Variants in ENTPD4 observed in about 807,000 individuals in gnomAD.
ENTPD4 encodes Golgi UDPase.
ENTPD4 carries 60 observed loss-of-function variants against 79.1 expected under a neutral mutation model. The observed-to-expected ratio is 0.76, with a 90% CI of 0.62 to 0.94. ENTPD4 has a LOEUF of 0.94. ENTPD4 is among the 40% of genes least tolerant of loss of function. The pLI, the probability that ENTPD4 is intolerant of heterozygous loss-of-function variation, is 0.00. For missense variants in ENTPD4, 772 were observed against 775.1 expected, an observed-to-expected ratio of 1.00 and a Z score of 0.05; for synonymous variants, 276 against 292.0, an observed-to-expected ratio of 0.95 and a Z score of 0.56.
rs889837752 is a variant in ENTPD4 at position 23,449,002 on chromosome 8, G to A, written c.9-63C>T. On this transcript the variant is annotated intron_variant, in intron 2 of 12. Transcript: ENST00000358689. ...TCCAATGAGGCTTCCTTCACCTAAA[G>A]TGATCCTAAAATAAGATATTTGGCT... 3.0e-6 allele frequency: 4 copies of A among 1,342,168 alleles called. No homozygotes were observed. The African/African-American group carries it at 5.8e-5, about 20-fold the overall frequency. The allele number at this position is 1,342,168 out of a possible 1,614,324, so 83.1% of individuals were successfully genotyped here. A position where few individuals can be genotyped will look rare whatever the true frequency, so the allele number is the denominator to read the frequency against.
chr8:23,436,677 A>C (rs1213695179), intron 10 of ENTPD4, among the ~76,000 whole-genome samples: 2 of 152,192 alleles, frequency 1.3e-5, no homozygotes, highest in Non-Finnish European at 2.9e-5. Context: ...AAAATGACAT[A>C]AAAGACTGTA....
Position 23,433,123 on chromosome 8 carries a change from G to A in ENTPD4, c.1654C>T (p.His552Tyr). 1 of 1,614,190 alleles carries A rather than the reference G, an allele frequency of 6.2e-7. No individual in the cohort carries two copies. Among genetic ancestry groups the A allele is most frequent in the Non-Finnish European group, 8.5e-7 (1 of 1,180,024 alleles). Residue 552 changes from histidine (H) to tyrosine (Y), a missense_variant, in exon 13 of 13, where the codon CAC (histidine) becomes TAC (tyrosine). Coordinates refer to ENST00000358689, the MANE Select transcript of ENTPD4 (RefSeq NM_004901.5). ...DIQQEAFRAS[H>Y]THWRGVSFVY... ...AAGGAAACGCCCCGCCAGTGGGTGT[G>A]ACTGGCTCGGAAGGCCTCCTGCTGG...
At position 23,429,633 on chromosome 8, in the gene ENTPD4, T is replaced by C; in HGVS notation, c.*3293A>G. 5 of 985,400 alleles carry C rather than the reference T, an allele frequency of 5.1e-6. No individual in the cohort carries two copies. The highest frequency in any genetic ancestry group is 6.0e-6 in the Non-Finnish European group (5 of 829,910). 61.0% of individuals were successfully genotyped at this position (985,400 alleles called of 1,614,324 possible). A position where few individuals can be genotyped will look rare whatever the true frequency, so the allele number is the denominator to read the frequency against. The stretch of plus-strand genomic sequence containing the variant: ...ACTCTGTGTAGGCCTGAGTTTAAAA[T>C]GTAAATATCTGTTTATCCAGAGTTT... On this transcript the variant is annotated 3_prime_UTR_variant, in exon 13 of 13. Transcript: ENST00000358689.
intron 4 of ENTPD4, 150 bp downstream of exon 4, chr8:23,447,530 A>C (rs1327834049): frequency 2.9e-6 from 2 of 685,264 alleles, no homozygotes; most frequent in Non-Finnish European, 5.2e-6. Flanking sequence ...TGGACAGAAA[A>C]GGGAAAAGAA....
intron 10 of ENTPD4, 48 bp downstream of exon 10, chr8:23,436,886 A>G: frequency 7.1e-7 from 1 of 1,418,026 alleles, no homozygotes; most frequent in Non-Finnish European, 9.6e-7. Context: ...CACCGTCCAC[A>G]CTGGTCTCTC....
At chr8:23,456,927 A>G in intron 1 of ENTPD4, among the ~76,000 whole-genome samples, 1 of 152,224 alleles carries the variant, frequency 6.6e-6, no homozygotes, top group Non-Finnish European at 1.5e-5. Flanking sequence ...CTTCGTGATA[A>G]GTGTTCTCTG....
chr8:23,445,615 A>G (rs1357935778), intron 4 of ENTPD4, among the ~76,000 whole-genome samples: 6 of 152,082 alleles, frequency 3.9e-5, no homozygotes, highest in African/African-American at 1.2e-4. Context: ...TCCAGCCTCC[A>G]TGGAAGTCAC....
chr8:23,450,974 G>T (rs903115763), intron 1 of ENTPD4, among the ~76,000 whole-genome samples: 3 of 151,452 alleles, frequency 2.0e-5, no homozygotes, highest in African/African-American at 7.3e-5. Context: ...AGATTCACGT[G>T]TGATCCCTCT....
At chr8:23,453,035 G>A (rs1800893406) in intron 1 of ENTPD4, among the ~76,000 whole-genome samples, 1 of 152,152 alleles carries the variant, frequency 6.6e-6, no homozygotes, top group African/African-American at 2.4e-5. Flanking sequence ...TTCACAAATG[G>A]CTGGAAATGG....
At position 23,437,065 on chromosome 8, in the gene ENTPD4, C is replaced by A; in HGVS notation, c.1243G>T (p.Gly415Trp). The change falls in exon 10 of 13, where the codon GGG becomes TGG. Residue 415 changes from glycine (G) to tryptophan (W), a missense_variant. Coordinates refer to ENST00000358689, the MANE Select transcript of ENTPD4 (RefSeq NM_004901.5). ...KTNETQTSLN[G>W]VYQPPIHFQN... Reference sequence around the variant, plus strand: ...AAGTGAATTGGGGGCTGGTAGACCCCATTGAGGGAAGTCTGGGTCTCGTTT... The same window carrying A: ...AAGTGAATTGGGGGCTGGTAGACCCAATTGAGGGAAGTCTGGGTCTCGTTT... 1 of 1,614,152 alleles carries A rather than the reference C, an allele frequency of 6.2e-7. No homozygotes were observed. Among genetic ancestry groups the A allele is most frequent in the African/African-American group, 1.3e-5 (1 of 75,030 alleles).
chr8:23,437,199 G>A lies in ENTPD4; in HGVS notation c.1109C>T (p.Pro370Leu), dbSNP rs766147341. 6.2e-7 allele frequency: 1 copy of A among 1,613,998 alleles called. No homozygotes were observed. Among genetic ancestry groups the A allele is most frequent in the Non-Finnish European group, 8.5e-7 (1 of 1,180,002 alleles). The change falls in exon 10 of 13, where the codon CCC becomes CTC. Residue 370 changes from proline (P) to leucine (L), a missense_variant. Coordinates refer to ENST00000358689, the MANE Select transcript of ENTPD4 (RefSeq NM_004901.5). Reference protein sequence around the residue: ...PDMPYLDPCLPLDIKDEIQQN... With the variant: ...PDMPYLDPCLLLDIKDEIQQN... ...CTGGATTTCATCTTTAATGTCTAGG[G>A]GTAGGCAGGGGTCCAAGTACGGCAT...
Position 23,430,776 on chromosome 8 carries a change from C to T in ENTPD4, c.*2150G>A. On this transcript the variant is annotated 3_prime_UTR_variant, in exon 13 of 13. Transcript: ENST00000358689. ...CCACTTCAACCATTTGTGGCCCCTTCCTTTCCTTTCTTCCCTCTCTGCTGC... is the reference window on the plus strand; with the variant it reads ...CCACTTCAACCATTTGTGGCCCCTTTCTTTCCTTTCTTCCCTCTCTGCTGC... 1 of 985,750 alleles carries T rather than the reference C, an allele frequency of 1.0e-6. No homozygotes were observed. The highest frequency in any genetic ancestry group is 1.2e-6 in the Non-Finnish European group (1 of 830,164). The allele number at this position is 985,750 out of a possible 1,614,324, so 61.1% of individuals were successfully genotyped here.
intron 12 of ENTPD4, among the ~76,000 whole-genome samples, chr8:23,433,602 T>C (rs1800501168): frequency 6.6e-6 from 1 of 152,222 alleles, no homozygotes; most frequent in Non-Finnish European, 1.5e-5. Flanking sequence ...ACAGGTCAAC[T>C]GACAGCAGAT....
In ENTPD4 at chr8:23,437,034, T is replaced by C; in HGVS notation, c.1274A>G (p.Asn425Ser). 1 of 1,613,972 alleles carries C rather than the reference T, an allele frequency of 6.2e-7. No individual in the cohort carries two copies. Among genetic ancestry groups the C allele is most frequent in the Non-Finnish European group, 8.5e-7 (1 of 1,179,784 alleles). ...TTCGGAGAAGCCATAGAATTCACTGTTCTGGAAGTGAATTGGGGGCTGGTA... is the reference window on the plus strand; with the variant it reads ...TTCGGAGAAGCCATAGAATTCACTGCTCTGGAAGTGAATTGGGGGCTGGTA... Reference protein sequence around the residue: ...GVYQPPIHFQNSEFYGFSEFY... With the variant: ...GVYQPPIHFQSSEFYGFSEFY... The change falls in exon 10 of 13, where the codon AAC becomes AGC. Residue 425 changes from asparagine to serine, a missense_variant. Asn to Ser is a conservative substitution (Grantham distance 46). Transcript: ENST00000358689.
intron 4 of ENTPD4, among the ~76,000 whole-genome samples, chr8:23,445,014 C>T (rs773110740): frequency 7.2e-5 from 11 of 152,180 alleles, no homozygotes; most frequent in Non-Finnish European, 1.2e-4. Flanking sequence ...GGGTAACTGT[C>T]CACCAGACAC....
At chr8:23,435,259 A>T in intron 11 of ENTPD4, 133 bp downstream of exon 11, 1 of 633,678 alleles carries the variant, frequency 1.6e-6, no homozygotes. Context: ...CCCGTTTGAA[A>T]GGGGCCCAGG....
At chr8:23,436,477 G>C (rs991322984) in intron 10 of ENTPD4, among the ~76,000 whole-genome samples, 3 of 152,092 alleles carry the variant, frequency 2.0e-5, no homozygotes, top group Admixed American at 1.3e-4. Context: ...CTTCTTGAGA[G>C]GCAGCAGCAA....
rs1478213192 is a variant in ENTPD4 at position 23,441,679 on chromosome 8, T to C, written c.772A>G (p.Ser258Gly). ...VEVNIPGSES[S>G]EAIVRKRTAG... is the part of the protein sequence containing the mutation. Reference sequence around the variant, plus strand: ...GTCCTTTTACGGACAATGGCTTCGCTGCTTTCACTTCCAGGAATGTTAACT... The same window carrying C: ...GTCCTTTTACGGACAATGGCTTCGCCGCTTTCACTTCCAGGAATGTTAACT... Residue 258 changes from serine (S) to glycine (G), a missense_variant, in exon 8 of 13, where the codon AGC becomes GGC. Physicochemically the swap from Ser to Gly is moderately conservative, Grantham distance 56. Transcript: ENST00000358689. 1 of 1,614,154 alleles carries C rather than the reference T, an allele frequency of 6.2e-7. No homozygotes were observed. Among genetic ancestry groups the C allele is most frequent in the Admixed American group, 1.7e-5 (1 of 60,020 alleles).
rs924885115 is a variant in ENTPD4, at chr8:23,431,872, A to G, written c.*1054T>C. Reference sequence around the variant, plus strand: ...GTGTTCTAATGCCACTGAAATATGGAATAAGGAGCGTAATTACCTGCGGTC... The same window carrying G: ...GTGTTCTAATGCCACTGAAATATGGGATAAGGAGCGTAATTACCTGCGGTC... On this transcript the variant is annotated 3_prime_UTR_variant, in exon 13 of 13. Coordinates refer to ENST00000358689, the MANE Select transcript of ENTPD4 (RefSeq NM_004901.5). 3 of 985,428 alleles carry G rather than the reference A, an allele frequency of 3.0e-6. No individual in the cohort carries two copies. In the South Asian group the frequency reaches 1.4e-4, roughly 46 times the overall value. The allele number at this position is 985,428 out of a possible 1,614,324, so 61.0% of individuals were successfully genotyped here. A position where few individuals can be genotyped will look rare whatever the true frequency, so the allele number is the denominator to read the frequency against.
Sources: gnomAD v4.1 joint callset for allele counts (sites outside exome capture counted in the v4.1 genomes callset) on GRCh38, gnomAD v4.1.1 for gene constraint, MANE v1.5 for transcripts, NCBI Gene and HGNC (gene_info 2026-07-23, HGNC 2026-07-21) for gene names.